MYCT1: variants seen among roughly 807,000 people sequenced by gnomAD.
The protein encoded by MYCT1 is MYC target 1, also known as myc target protein 1.
A neutral mutation model predicts 15.0 loss-of-function variants in MYCT1; 12 were observed. The observed-to-expected ratio is 0.80, with a 90% CI of 0.51 to 1.29. The LOEUF (loss-of-function observed/expected upper bound fraction) is 1.29, where lower values mean the gene tolerates loss of function less well. MYCT1 is among the 50% of genes most tolerant of loss of function. MYCT1 has a pLI of 0.00. For synonymous variants in MYCT1, 104 were observed against 102.7 expected (o/e 1.01, Z -0.07); for missense variants, 287 against 279.1 (o/e 1.03, Z -0.20).
downstream of MYCT1, among the ~76,000 whole-genome samples, chr6:152,729,026 G>A (rs796570451): frequency 5.9e-5 from 9 of 152,304 alleles, no homozygotes; most frequent in South Asian, 1.9e-3. Context: ...TTCCAGCTTA[G>A]GGACACGGTG....
chr6:152,715,398 T>A (rs1480043600), intron 1 of MYCT1, among the ~76,000 whole-genome samples: 2 of 152,070 alleles, frequency 1.3e-5, no homozygotes, highest in African/African-American at 4.8e-5. Flanking sequence ...AAAACTACTT[T>A]CAAATCTCCA....
the MYCT1 span, among the ~76,000 whole-genome samples, chr6:152,741,207 G>A: frequency 6.6e-6 from 1 of 152,028 alleles, no homozygotes; most frequent in Non-Finnish European, 1.5e-5. Context: ...CTCTTAAACA[G>A]TCTAAATAGA....
chr6:152,713,557 A>G (rs2099723104), intron 1 of MYCT1, among the ~76,000 whole-genome samples: 1 of 152,150 alleles, frequency 6.6e-6, no homozygotes, highest in Non-Finnish European at 1.5e-5. Flanking sequence ...ACAGGCAAAT[A>G]ACTCTGTGGA....
At chr6:152,703,940 T>TTTTTTTTTTA in intron 1 of MYCT1, among the ~76,000 whole-genome samples, 1 of 123,082 alleles carries the variant, frequency 8.1e-6, no homozygotes, top group Non-Finnish European at 1.7e-5. Context: ...TTTTCCCTGT[T>TTTTTTTTTTA]TTTTATTTTA....
chr6:152,721,250 G>C (rs1217622600), intron 1 of MYCT1, among the ~76,000 whole-genome samples: 2 of 152,214 alleles, frequency 1.3e-5, no homozygotes, highest in African/African-American at 4.8e-5. Flanking sequence ...AGCAAAGGAA[G>C]TGAGGCATCA....
At chr6:152,712,972 C>G (rs145753880) in intron 1 of MYCT1, among the ~76,000 whole-genome samples, 1 of 151,954 alleles carries the variant, frequency 6.6e-6, no homozygotes, top group African/African-American at 2.4e-5. Flanking sequence ...AAATTTCAGC[C>G]TCATTTATTC....
At chr6:152,730,170 A>G in the MYCT1 span, among the ~76,000 whole-genome samples, 3 of 152,218 alleles carry the variant, frequency 2.0e-5, no homozygotes, top group African/African-American at 4.8e-5. Flanking sequence ...AATAGATTCC[A>G]TGTTCTACCC....
At chr6:152,737,773 G>C in the MYCT1 span, among the ~76,000 whole-genome samples, 2 of 152,040 alleles carry the variant, frequency 1.3e-5, no homozygotes, top group African/African-American at 4.8e-5. Flanking sequence ...GTTGTTTAAG[G>C]TTTCACAATT....
In MYCT1 at chr6:152,706,403, C is replaced by T. The variant is rs149472164; in HGVS notation, c.196+8305C>T. On this transcript the variant is annotated intron_variant, in intron 1 of 1. Transcript: ENST00000367245. Reference sequence around the variant, plus strand: ...TGATACTGAGTACAAGAGCCACGTACAATGTACTGCTTTCAACTTAAATCG... The same window carrying T: ...TGATACTGAGTACAAGAGCCACGTATAATGTACTGCTTTCAACTTAAATCG... Among the ~76,000 whole-genome samples, 149 of 152,254 alleles carry T rather than the reference C, an allele frequency of 9.8e-4. 1 individual carries two copies. The highest frequency in any genetic ancestry group is 3.4e-3 in the African/African-American group (140 of 41,556).
chr6:152,745,750 G>A, the MYCT1 span, among the ~76,000 whole-genome samples: 2 of 152,228 alleles, frequency 1.3e-5, no homozygotes, highest in East Asian at 1.9e-4. Context: ...GCTGGCTCTT[G>A]GTAGGTTGTT....
At chr6:152,735,843 T>C in the MYCT1 span, among the ~76,000 whole-genome samples, 11 of 152,176 alleles carry the variant, frequency 7.2e-5, no homozygotes, top group African/African-American at 2.7e-4. Flanking sequence ...ATAGATGAAT[T>C]GCTTACTTTG....
chr6:152,701,620 G>A (rs955085377), intron 1 of MYCT1, among the ~76,000 whole-genome samples: 4 of 151,506 alleles, frequency 2.6e-5, no homozygotes, highest in African/African-American at 4.9e-5. Context: ...ATTGGAGAGG[G>A]GGGACCTTTG....
intron 1 of MYCT1, among the ~76,000 whole-genome samples, chr6:152,719,194 T>C (rs1023407845): frequency 4.6e-5 from 7 of 152,244 alleles, no homozygotes; most frequent in African/African-American, 1.7e-4. Flanking sequence ...CTAAAGGCTA[T>C]TGATTCATGG....
chr6:152,737,937 A>T, the MYCT1 span, among the ~76,000 whole-genome samples: 1 of 151,972 alleles, frequency 6.6e-6, no homozygotes, highest in African/African-American at 2.4e-5. Context: ...CAGCTTTATG[A>T]CTCTTTGCAC....
intron 1 of MYCT1, among the ~76,000 whole-genome samples, chr6:152,705,213 C>A (rs2099722053): frequency 6.6e-6 from 1 of 152,116 alleles, no homozygotes; most frequent in African/African-American, 2.4e-5. Flanking sequence ...CTTAGCATAG[C>A]CTAACTTAAA....
At chr6:152,731,380 T>G in the MYCT1 span, among the ~76,000 whole-genome samples, 4 of 152,096 alleles carry the variant, frequency 2.6e-5, no homozygotes, top group African/African-American at 4.8e-5. Context: ...ATTTCTCTAT[T>G]TTTTTTATAC....
chr6:152,737,550 G>A, the MYCT1 span, among the ~76,000 whole-genome samples: 3 of 151,976 alleles, frequency 2.0e-5, no homozygotes, highest in African/African-American at 7.2e-5. Flanking sequence ...CTCCCTCTAT[G>A]TACAATAATA....
chr6:152,734,322 C>A, the MYCT1 span, among the ~76,000 whole-genome samples: 1 of 152,182 alleles, frequency 6.6e-6, no homozygotes, highest in Non-Finnish European at 1.5e-5. Context: ...AAATCTCCGA[C>A]TTCATGAAAC....
chr6:152,726,828 A>G (rs9371264), downstream of MYCT1, among the ~76,000 whole-genome samples: 81,357 of 151,506 alleles, frequency 0.54, 24,192 homozygotes, highest in Non-Finnish European at 0.66. Flanking sequence ...ACAGAATCAC[A>G]TGATACTGGA....
Sources: gnomAD v4.1 joint callset for allele counts (sites outside exome capture counted in the v4.1 genomes callset) on GRCh38, gnomAD v4.1.1 for gene constraint, MANE v1.5 for transcripts, NCBI Gene and HGNC (gene_info 2026-07-23, HGNC 2026-07-21) for gene names.